The following MYB variants were observed in gnomAD, a reference collection of about 807,000 sequenced individuals.
MYB encodes the protein MYB proto-oncogene, transcription factor.
In MYB, 28 loss-of-function variants were observed where a neutral mutation model predicts 92.9. The ratio of observed to expected loss-of-function variants is 0.30; its 90% CI spans 0.22 to 0.41. MYB has a LOEUF of 0.41. Among genes scored for constraint, MYB ranks in the 10% least tolerant of loss-of-function variants. MYB has a pLI of 1.00. For missense variants in MYB, 679 were observed against 929.3 expected (o/e 0.73, Z 3.50); for synonymous variants, 295 against 329.1 (o/e 0.90, Z 1.12).
intron 8 of MYB, chr6:135,195,027 G>A (rs551314641): frequency 7.5e-7 from 1 of 1,334,448 alleles, no homozygotes; most frequent in Admixed American, 2.0e-5. Context: ...GGCTCCTTGT[G>A]CTTTGCAACA....
intron 13 of MYB, 22 bp from the exon 14 acceptor site, chr6:135,201,617 A>G (rs3752383): frequency 0.11 from 169,679 of 1,543,396 alleles, 9,701 homozygotes; most frequent in South Asian, 0.13. Context: ...GAAACAACAA[A>G]GCACTTTCTA....
At chr6:135,202,814 C>T in intron 14 of MYB, 1 of 411,962 alleles carries the variant, frequency 2.4e-6, no homozygotes, top group South Asian at 1.9e-5. Context: ...CTACTTTTCA[C>T]CATTTTTTGC....
At position 135,181,565 on chromosome 6, in the gene MYB, GGCGGGGGCGC is replaced by G. The variant is rs555253038; in HGVS notation, c.23+46_23+55del. On this transcript the variant is annotated intron_variant, in intron 1 of 15. Coordinates refer to ENST00000341911, the MANE Select transcript of MYB (RefSeq NM_001130173.2). This position sits in a 1 kb window ranked among gnomAD's most constrained non-coding sequence, Gnocchi z 5.3. ...ACGGGGAGCCGGGCGGGCGGCCGAGGGCGGGGGCGCGCGGGGGCGCGCGGGGCGCCAGGCT... is the reference window on the plus strand; with the variant it reads ...ACGGGGAGCCGGGCGGGCGGCCGAGGGCGGGGGCGCGCGGGGCGCCAGGCT... The G allele has an allele frequency of 2.4e-4, 278 of 1,156,580 alleles. 1 individual carries two copies. Among genetic ancestry groups the G allele is most frequent in the South Asian group, 1.5e-3 (35 of 23,612 alleles). The allele number at this position is 1,156,580 out of a possible 1,614,324, so 71.6% of individuals were successfully genotyped here. A position where few individuals can be genotyped will look rare whatever the true frequency, so the allele number is the denominator to read the frequency against.
At chr6:135,188,088 A>T (rs887248508) in intron 3 of MYB, among the ~76,000 whole-genome samples, 183 bp downstream of exon 3, 1 of 152,148 alleles carries the variant, frequency 6.6e-6, no homozygotes, top group African/African-American at 2.4e-5. Context: ...TAGAATTTAG[A>T]TTATTAGAAT....
intron 4 of MYB, 49 bp downstream of exon 4, chr6:135,189,932 A>G: frequency 6.5e-7 from 1 of 1,544,618 alleles, no homozygotes; most frequent in Non-Finnish European, 8.9e-7. Context: ...GAATATTCCC[A>G]AAATGCTAAT....
At chr6:135,184,546 C>G (rs762990005) in intron 1 of MYB, among the ~76,000 whole-genome samples, 3 of 151,876 alleles carry the variant, frequency 2.0e-5, no homozygotes, top group Non-Finnish European at 2.9e-5. Context: ...TACATCATGT[C>G]GCCATTCAAC....
At chr6:135,214,309 T>C (rs210942) in intron 15 of MYB, among the ~76,000 whole-genome samples, 55,342 of 151,520 alleles carry the variant, frequency 0.37, 10,107 homozygotes, top group East Asian at 0.4. Flanking sequence ...AAATTCTATA[T>C]TGATTGAAGC....
chr6:135,211,953 A>G (rs187653194), intron 15 of MYB, among the ~76,000 whole-genome samples: 10 of 152,300 alleles, frequency 6.6e-5, no homozygotes, highest in Admixed American at 5.9e-4. Flanking sequence ...GCAACATTTC[A>G]GTTTAAGCTT....
chr6:135,213,235 G>A (rs974255398), intron 15 of MYB, among the ~76,000 whole-genome samples: 2 of 152,092 alleles, frequency 1.3e-5, no homozygotes, highest in African/African-American at 4.8e-5. Flanking sequence ...TGAGCTTCAG[G>A]GGATATATGA....
chr6:135,198,974 C>A lies in MYB; in HGVS notation c.1633C>A (p.Leu545Ile), dbSNP rs756037127. 48 of 1,611,540 alleles carry A rather than the reference C, an allele frequency of 3.0e-5. No individual in the cohort carries two copies. The South Asian group carries it at 4.2e-4, about 14-fold the overall frequency. Reference protein sequence around the residue: ...LEMPSLTSTPLIGHKLTVTTP... With the variant: ...LEMPSLTSTPIIGHKLTVTTP... ...AATGCCTTCTTTAACTTCCACCCCC[C>A]TCATTGGTCACAAATTGACTGTTAC... Residue 545 changes from leucine to isoleucine, a missense_variant, in exon 11 of 16, where the codon CTC (leucine) becomes ATC (isoleucine). By Grantham distance (5) the Leu-to-Ile change is conservative. Transcript: ENST00000341911.
At chr6:135,200,483 T>A (rs1180018174) in intron 13 of MYB, 68 bp downstream of exon 13, 1 of 1,602,104 alleles carries the variant, frequency 6.2e-7, no homozygotes, top group East Asian at 2.2e-5. Flanking sequence ...GTGTGCAGCT[T>A]GATGTGTCTG....
chr6:135,190,014 G>A lies in MYB; in HGVS notation c.307-113G>A. On this transcript the variant is annotated intron_variant, in intron 4 of 15. Coordinates refer to ENST00000341911, the MANE Select transcript of MYB (RefSeq NM_001130173.2). The surrounding 1 kb of genome is among the most constrained non-coding windows in gnomAD (Gnocchi z 4.5). The stretch of plus-strand genomic sequence containing the variant: ...AGGACTCTATTCCCATATTTCCAGT[G>A]AATGAAAGCAAATTTTGGAAATTTT... 7.0e-7 allele frequency: 1 copy of A among 1,430,614 alleles called. No individual in the cohort carries two copies. The allele number at this position is 1,430,614 out of a possible 1,614,324, so 88.6% of individuals were successfully genotyped here.
intron 15 of MYB, among the ~76,000 whole-genome samples, chr6:135,211,464 G>C (rs1779686590): frequency 6.6e-6 from 1 of 151,930 alleles, no homozygotes; most frequent in South Asian, 2.1e-4. Flanking sequence ...CATTTGTTTT[G>C]TTTGGTGACA....
chr6:135,195,698 T>C (rs1346285913), intron 8 of MYB, 50 bp from the exon 9 acceptor site: 1 of 1,593,024 alleles, frequency 6.3e-7, no homozygotes, highest in South Asian at 1.1e-5. Context: ...AAGTTCCTTC[T>C]CCCTTTCTTC....
chr6:135,208,061 A>AATTTT (rs1779198097), intron 15 of MYB, among the ~76,000 whole-genome samples: 1 of 133,472 alleles, frequency 7.5e-6, no homozygotes, highest in Non-Finnish European at 1.6e-5. Context: ...TTTTATTTTT[A>AATTTT]TTTTTTAATT....
In MYB at chr6:135,190,084, C is replaced by T; in HGVS notation, c.307-43C>T. On this transcript the variant is annotated intron_variant, in intron 4 of 15. Coordinates refer to ENST00000341911, the MANE Select transcript of MYB (RefSeq NM_001130173.2). This position sits in a 1 kb window ranked among gnomAD's most constrained non-coding sequence, Gnocchi z 4.5. ...GAAGAATGATTATACTGACTCATTA[C>T]ATAACTTTAAAACATAGGTTATTTT... 4.4e-6 allele frequency: 7 copies of T among 1,592,050 alleles called. No homozygotes were observed. The highest frequency in any genetic ancestry group is 6.0e-6 in the Non-Finnish European group (7 of 1,162,860).
chr6:135,217,972 G>A lies in MYB; in HGVS notation c.2278G>A (p.Val760Ile). The A allele has an allele frequency of 6.2e-7, 1 of 1,600,536 alleles. No individual in the cohort carries two copies. The highest frequency in any genetic ancestry group is 2.2e-5 in the East Asian group (1 of 44,788). Residue 760 changes from valine (V) to isoleucine (I), a missense_variant, in exon 16 of 16, where the codon GTC becomes ATC. By Grantham distance (29) the Val-to-Ile change is conservative. Around this residue, in one of 8 missense-constraint regions of MYB, gnomAD observed 402 missense variants for 434.2 expected, o/e 0.93. Coordinates refer to ENST00000341911, the MANE Select transcript of MYB (RefSeq NM_001130173.2). ...GAATGCATTCTCAGCCCGGACGCTG[G>A]TCATGTGAGACATTTCCAGAAAAGC... ...YVNAFSARTL[V>I]M
chr6:135,182,323 C>G lies in MYB; in HGVS notation c.23+787C>G, dbSNP rs1176021985. On this transcript the variant is annotated intron_variant, in intron 1 of 15. Coordinates refer to ENST00000341911, the MANE Select transcript of MYB (RefSeq NM_001130173.2). This position sits in a 1 kb window ranked among gnomAD's most constrained non-coding sequence, Gnocchi z 5.6. The stretch of plus-strand genomic sequence containing the variant: ...AGAGGAGGAGGAGGAGGGAAATCCT[C>G]GTCCGAACTGTCAGTTGCTCGTTCC... Among the ~76,000 whole-genome samples, 1 of 152,204 alleles carries G rather than the reference C, an allele frequency of 6.6e-6. No individual in the cohort carries two copies. The highest frequency in any genetic ancestry group is 1.5e-5 in the Non-Finnish European group (1 of 68,028).
chr6:135,199,189 C>A, intron 11 of MYB, 139 bp downstream of exon 11: 1 of 685,526 alleles, frequency 1.5e-6, no homozygotes, highest in Non-Finnish European at 2.3e-6. Context: ...TCTATTCCCA[C>A]ATTGAATATA....
Sources: gnomAD v4.1 joint callset for allele counts (sites outside exome capture counted in the v4.1 genomes callset) on GRCh38, gnomAD v4.1.1 for gene constraint, gnomAD v4.1.1 regional missense constraint, Gnocchi (gnomAD v3.1) non-coding constraint, MANE v1.5 for transcripts, NCBI Gene and HGNC (gene_info 2026-07-23, HGNC 2026-07-21) for gene names.